Variants in FAM114A1 observed in about 807,000 individuals in gnomAD.
FAM114A1 encodes family with sequence similarity 114 member A1, also known as protein NOXP20.
A neutral mutation model predicts 64.3 loss-of-function variants in FAM114A1; 62 were observed. The ratio of observed to expected loss-of-function variants is 0.96; its 90% CI spans 0.79 to 1.19. The LOEUF (loss-of-function observed/expected upper bound fraction) is 1.19. Among genes scored for constraint, FAM114A1 ranks in the 50% most tolerant of loss-of-function variants. The pLI is 0.00. For synonymous variants in FAM114A1, 254 were observed against 251.1 expected (o/e 1.01, Z -0.11); for missense variants, 645 against 676.3 (o/e 0.95, Z 0.51).
intron 11 of FAM114A1, among the ~76,000 whole-genome samples, chr4:38,931,910 T>C (rs1169381190): frequency 1.3e-5 from 2 of 152,166 alleles, no homozygotes; most frequent in Non-Finnish European, 2.9e-5. Flanking sequence ...ATTAGATCAC[T>C]GTAAGGAAAA....
intron 3 of FAM114A1, among the ~76,000 whole-genome samples, chr4:38,884,229 T>C (rs1045774590): frequency 6.6e-6 from 1 of 152,212 alleles, no homozygotes; most frequent in Non-Finnish European, 1.5e-5. Flanking sequence ...ACTCAAGCTC[T>C]TCTCTCACCT....
At chr4:38,937,162 G>A (rs1721180943) in intron 13 of FAM114A1, among the ~76,000 whole-genome samples, 2 of 152,146 alleles carry the variant, frequency 1.3e-5, no homozygotes, top group Non-Finnish European at 2.9e-5. Context: ...TAATTAGGTT[G>A]TTTTCTTGGT....
At chr4:38,942,615 C>G (rs1338974341) in intron 14 of FAM114A1, among the ~76,000 whole-genome samples, 1 of 152,216 alleles carries the variant, frequency 6.6e-6, no homozygotes, top group Non-Finnish European at 1.5e-5. Context: ...CCATCCAATA[C>G]TGTGTGTTAG....
chr4:38,939,598 A>G (rs144642164), intron 13 of FAM114A1, among the ~76,000 whole-genome samples: 2 of 152,356 alleles, frequency 1.3e-5, no homozygotes, highest in Non-Finnish European at 2.9e-5. Flanking sequence ...CCAAGGCTCC[A>G]TCATGATTTC....
At position 38,931,522 on chromosome 4, in the gene FAM114A1, C is replaced by G. The variant is rs758064777; in HGVS notation, c.1233C>G (p.Ser411=). 1 of 1,612,934 alleles carries G rather than the reference C, an allele frequency of 6.2e-7. No homozygotes were observed. Among genetic ancestry groups the G allele is most frequent in the South Asian group, 1.1e-5 (1 of 90,978 alleles). The part of the protein sequence containing the change: ...TVVSVDVAKV[S]EEETKKEEKE... The stretch of plus-strand genomic sequence containing the variant: ...TGTCAGTAGATGTGGCAAAAGTGTC[C>G]GAAGAAGAAACAAAGAAGGAAGAAA... The change falls in exon 11 of 15, where the codon TCC becomes TCG. Residue 411 remains serine, a synonymous_variant. Coordinates refer to ENST00000358869, the MANE Select transcript of FAM114A1 (RefSeq NM_138389.4).
At chr4:38,888,804 A>G (rs937079659) in intron 3 of FAM114A1, among the ~76,000 whole-genome samples, 2 of 152,164 alleles carry the variant, frequency 1.3e-5, no homozygotes, top group South Asian at 2.1e-4. Context: ...AAATCCCTCT[A>G]TTGGTAATAG....
chr4:38,940,849 G>A, intron 13 of FAM114A1, 119 bp from the exon 14 acceptor site: 2 of 1,040,772 alleles, frequency 1.9e-6, no homozygotes, highest in Non-Finnish European at 1.5e-6. Context: ...GAAGCATTCT[G>A]CTTCCCCTCC....
At chr4:38,941,123 A>G (rs896349755) in intron 14 of FAM114A1, 102 bp downstream of exon 14, 24 of 1,029,324 alleles carry the variant, frequency 2.3e-5, no homozygotes, top group Non-Finnish European at 3.2e-5. Context: ...TGTTATTGCA[A>G]TTCTGAATCT....
At chr4:38,882,106 A>C (rs1182901252) in intron 3 of FAM114A1, among the ~76,000 whole-genome samples, 1 of 150,892 alleles carries the variant, frequency 6.6e-6, no homozygotes, top group Admixed American at 6.6e-5. Context: ...AGGTCAGGAG[A>C]TCGAGACCAT....
At chr4:38,921,648 C>T (rs1331772780) in intron 8 of FAM114A1, among the ~76,000 whole-genome samples, 4 of 152,192 alleles carry the variant, frequency 2.6e-5, no homozygotes, top group Admixed American at 6.5e-5. Flanking sequence ...TCAGTCCCAG[C>T]ATCACCTCCT....
chr4:38,929,102 T>C, intron 9 of FAM114A1, 140 bp from the exon 10 acceptor site: 1 of 662,316 alleles, frequency 1.5e-6, no homozygotes, highest in Non-Finnish European at 2.7e-6. Context: ...AAGACATTCA[T>C]CTTTGCCCAG....
chr4:38,928,327 G>A (rs943302211), intron 9 of FAM114A1, among the ~76,000 whole-genome samples: 1 of 152,062 alleles, frequency 6.6e-6, no homozygotes, highest in Non-Finnish European at 1.5e-5. Context: ...AAATCCATGT[G>A]GAATCCATTC....
chr4:38,871,613 C>T (rs1388688577), intron 2 of FAM114A1, among the ~76,000 whole-genome samples: 1 of 152,026 alleles, frequency 6.6e-6, no homozygotes, highest in Admixed American at 6.6e-5. Flanking sequence ...TGCAGAACAG[C>T]CACAGAGAGG....
chr4:38,910,475 G>A (rs1168678944), intron 7 of FAM114A1, among the ~76,000 whole-genome samples: 1 of 152,188 alleles, frequency 6.6e-6, no homozygotes, highest in Admixed American at 6.5e-5. Flanking sequence ...ATCTTGAAAT[G>A]CCTTACTTCC....
intron 4 of FAM114A1, among the ~76,000 whole-genome samples, chr4:38,894,078 G>C (rs939246823): frequency 1.3e-5 from 2 of 149,790 alleles, no homozygotes; most frequent in Non-Finnish European, 3.0e-5. Context: ...CAGGAGAATT[G>C]CTTGAACCCA....
At chr4:38,938,959 A>G (rs527801758) in intron 13 of FAM114A1, among the ~76,000 whole-genome samples, 1 of 152,318 alleles carries the variant, frequency 6.6e-6, no homozygotes, top group Non-Finnish European at 1.5e-5. Context: ...TTCCTTCTGC[A>G]TATTGTATTC....
chr4:38,882,752 TG>T (rs34450979), intron 3 of FAM114A1, among the ~76,000 whole-genome samples: 68,370 of 151,320 alleles, frequency 0.45, 15,430 homozygotes, highest in Middle Eastern at 0.52. Context: ...AATGTGTGTG[TG>T]GTGTGTATGT....
At chr4:38,929,685 G>C (rs537700568) in intron 10 of FAM114A1, among the ~76,000 whole-genome samples, 1 of 152,370 alleles carries the variant, frequency 6.6e-6, no homozygotes, top group South Asian at 2.1e-4. Flanking sequence ...ACTGAGGCAA[G>C]AGAATCGCTT....
intron 13 of FAM114A1, among the ~76,000 whole-genome samples, chr4:38,940,066 T>C (rs1721470106): frequency 6.6e-6 from 1 of 151,988 alleles, no homozygotes; most frequent in Non-Finnish European, 1.5e-5. Context: ...TTTTTTTGTA[T>C]TTTTAGTGGA....
Sources: allele counts gnomAD v4.1 joint callset (sites outside exome capture counted in the v4.1 genomes callset), GRCh38; gene constraint gnomAD v4.1.1; transcripts MANE v1.5; gene names NCBI Gene and HGNC (gene_info 2026-07-23, HGNC 2026-07-21).